Variants in SYN2 observed in about 807,000 individuals in gnomAD.
SYN2 encodes the protein synapsin II, also known as synapsin-2.
Under a neutral mutation model 50.9 loss-of-function variants are expected in SYN2, and 19 were observed. The ratio of observed to expected loss-of-function variants is 0.37; its 90% CI spans 0.26 to 0.55. SYN2 has a LOEUF of 0.55. SYN2 is among the 20% of genes least tolerant of loss of function. SYN2 has a pLI of 0.81. For synonymous variants in SYN2, 255 were observed against 224.9 expected, an observed-to-expected ratio of 1.13 and a Z score of -1.20; for missense variants, 587 against 576.4, an observed-to-expected ratio of 1.02 and a Z score of -0.19.
chr3:12,086,376 A>G (rs1264169595), intron 1 of SYN2, among the ~76,000 whole-genome samples: 3 of 152,202 alleles, frequency 2.0e-5, no homozygotes, highest in Admixed American at 6.5e-5. Context: ...CAAGACCAGC[A>G]TTACCCTGAT....
intron 1 of SYN2, among the ~76,000 whole-genome samples, chr3:12,123,631 C>G (rs1014466583): frequency 1.3e-5 from 2 of 151,986 alleles, no homozygotes; most frequent in Non-Finnish European, 2.9e-5. Context: ...CACACACACA[C>G]GAGGATAAGA....
At chr3:12,157,677 C>T (rs1697499204) in intron 5 of SYN2, among the ~76,000 whole-genome samples, 1 of 152,120 alleles carries the variant, frequency 6.6e-6, no homozygotes, top group African/African-American at 2.4e-5. Flanking sequence ...GTTCCAAACC[C>T]CTCAGGCTTA....
chr3:12,010,229 C>T (rs998374349), intron 1 of SYN2, among the ~76,000 whole-genome samples: 2 of 152,186 alleles, frequency 1.3e-5, no homozygotes, highest in East Asian at 1.9e-4. Flanking sequence ...TTTAAGTTAG[C>T]GTTCCTATCT....
intron 1 of SYN2, among the ~76,000 whole-genome samples, chr3:12,009,156 C>T (rs2125129443): frequency 1.3e-5 from 2 of 152,298 alleles, no homozygotes; most frequent in South Asian, 4.1e-4. Context: ...TTTGATTGTT[C>T]ATAGCAGCAG....
chr3:12,054,404 G>A (rs922454336), intron 1 of SYN2, among the ~76,000 whole-genome samples: 7 of 152,092 alleles, frequency 4.6e-5, no homozygotes. Context: ...AGAGACTTGG[G>A]GTGTATAGCC....
At chr3:12,112,241 C>G (rs1158252514) in intron 1 of SYN2, among the ~76,000 whole-genome samples, 1 of 152,132 alleles carries the variant, frequency 6.6e-6, no homozygotes, top group Non-Finnish European at 1.5e-5. Context: ...TCTGCTATCC[C>G]CTGCCCCATT....
At chr3:12,159,016 G>C (rs189974592) in intron 5 of SYN2, 4 of 868,698 alleles carry the variant, frequency 4.6e-6, no homozygotes, top group Non-Finnish European at 5.0e-6. Flanking sequence ...GCGGAGGCAG[G>C]ACCCGAGGCT....
chr3:12,062,034 A>G (rs1695122086), intron 1 of SYN2, among the ~76,000 whole-genome samples: 1 of 152,018 alleles, frequency 6.6e-6, no homozygotes. Context: ...TGAAGTTTAT[A>G]TGGAAAGCCT....
intron 1 of SYN2, among the ~76,000 whole-genome samples, chr3:12,060,482 C>A (rs992875115): frequency 6.6e-6 from 1 of 152,126 alleles, no homozygotes; most frequent in Non-Finnish European, 1.5e-5. Flanking sequence ...CTGAGAAATA[C>A]TCGTGAAGGT....
intron 1 of SYN2, among the ~76,000 whole-genome samples, chr3:12,055,360 G>A (rs1277310084): frequency 6.6e-6 from 1 of 152,060 alleles, no homozygotes; most frequent in African/African-American, 2.4e-5. Context: ...AGCAAAGGCA[G>A]TATTTTGAAG....
At chr3:12,024,683 G>A (rs918231325) in intron 1 of SYN2, among the ~76,000 whole-genome samples, 9 of 152,136 alleles carry the variant, frequency 5.9e-5, no homozygotes, top group African/African-American at 2.2e-4. Context: ...TATGCATTCT[G>A]CTATAATGGA....
chr3:12,163,236 T>G (rs996383630), intron 7 of SYN2, among the ~76,000 whole-genome samples: 1 of 81,134 alleles, frequency 1.2e-5, no homozygotes, highest in Non-Finnish European at 2.5e-5. Flanking sequence ...TGCAAGACTC[T>G]GTCTCAAAAA....
At chr3:12,177,615 A>G (rs1252084779) in intron 10 of SYN2, among the ~76,000 whole-genome samples, 1 of 152,178 alleles carries the variant, frequency 6.6e-6, no homozygotes, top group Non-Finnish European at 1.5e-5. Context: ...CCTGCTTCCC[A>G]CAGCAGGAAT....
At position 12,112,219 on chromosome 3, in the gene SYN2, A is replaced by G. The variant is rs57223461; in HGVS notation, c.378-28432A>G. Among the ~76,000 whole-genome samples the G allele has an allele frequency of 7.3e-3, 1,117 of 152,250 alleles. 9 individuals carry two copies. Among genetic ancestry groups the G allele is most frequent in the African/African-American group, 0.026 (1,060 of 41,540 alleles). Reference sequence around the variant, plus strand: ...TGGTGTACAAGTAAAATATCATGCTACAGTTTGACTGTCTGCTATCCCCTG... The same window carrying G: ...TGGTGTACAAGTAAAATATCATGCTGCAGTTTGACTGTCTGCTATCCCCTG... On this transcript the variant is annotated intron_variant, in intron 1 of 12. Coordinates refer to ENST00000621198, the MANE Select transcript of SYN2 (RefSeq NM_133625.6).
At chr3:12,178,739 A>C (rs1255153344) in intron 10 of SYN2, among the ~76,000 whole-genome samples, 5 of 152,198 alleles carry the variant, frequency 3.3e-5, no homozygotes, top group African/African-American at 1.2e-4. Flanking sequence ...TAGGATGCTC[A>C]CTTACATTGC....
At chr3:12,023,100 C>T (rs307609) in intron 1 of SYN2, among the ~76,000 whole-genome samples, 97,597 of 151,934 alleles carry the variant, frequency 0.64, 33,859 homozygotes, top group South Asian at 0.78. Flanking sequence ...CCTTGGTGTC[C>T]TTATATGTTA....
At chr3:12,099,513 A>T (rs1036500173) in intron 1 of SYN2, among the ~76,000 whole-genome samples, 1 of 152,196 alleles carries the variant, frequency 6.6e-6, no homozygotes, top group South Asian at 2.1e-4. Flanking sequence ...GAAAACAAAC[A>T]TACCATATTG....
chr3:12,013,098 G>A (rs755354354), intron 1 of SYN2, among the ~76,000 whole-genome samples: 1 of 152,156 alleles, frequency 6.6e-6, no homozygotes, highest in Non-Finnish European at 1.5e-5. Context: ...GAAGTCGCTT[G>A]GCTTCAGGAC....
intron 5 of SYN2, chr3:12,157,566 G>A: frequency 7.5e-7 from 1 of 1,339,262 alleles, no homozygotes; most frequent in Non-Finnish European, 1.1e-6. Context: ...GGTCCATGAA[G>A]AAGTCTATAG....
Sources: gnomAD v4.1 joint callset for allele counts (sites outside exome capture counted in the v4.1 genomes callset) on GRCh38, gnomAD v4.1.1 for gene constraint, MANE v1.5 for transcripts, NCBI Gene and HGNC (gene_info 2026-07-23, HGNC 2026-07-21) for gene names.